Variants in ASPRV1 observed in about 807,000 individuals in gnomAD.
ASPRV1 encodes retroviral-like aspartic protease 1.
Under a neutral mutation model 11.0 loss-of-function variants are expected in ASPRV1, and 7 were observed. The ratio of observed to expected loss-of-function variants is 0.64; its 90% confidence interval spans 0.36 to 1.20. The LOEUF (loss-of-function observed/expected upper bound fraction) is 1.20, where lower values mean the gene tolerates loss of function less well. Among genes scored for constraint, ASPRV1 ranks in the 50% most tolerant of loss-of-function variants. The pLI, the probability that ASPRV1 is intolerant of heterozygous loss-of-function variation, is 0.02. For missense variants in ASPRV1, 299 were observed against 320.0 expected (o/e 0.93, Z 0.50); for synonymous variants, 136 against 138.4 (o/e 0.98, Z 0.12).
At chr2:69,935,529 C>T in the ASPRV1 span, 1 of 1,147,016 alleles carries the variant, frequency 8.7e-7, no homozygotes, top group Non-Finnish European at 1.3e-6. Flanking sequence ...TCTGTTGTTA[C>T]ATCTCCAGGA....
the ASPRV1 span, among the ~76,000 whole-genome samples, chr2:69,984,561 T>C: frequency 0.011 from 1,642 of 148,618 alleles, 103 homozygotes; most frequent in Admixed American, 0.092. Flanking sequence ...ATAGAGACCA[T>C]GTCTATAGAT....
the ASPRV1 span, among the ~76,000 whole-genome samples, chr2:69,945,839 G>A: frequency 6.6e-6 from 1 of 152,230 alleles, no homozygotes; most frequent in Non-Finnish European, 1.5e-5. Context: ...AGGCCCTGGA[G>A]AAAAGGGCAG....
the ASPRV1 span, among the ~76,000 whole-genome samples, chr2:69,945,990 G>C: frequency 2.4e-4 from 35 of 143,434 alleles, no homozygotes; most frequent in African/African-American, 8.6e-4. Context: ...GAGGGCCTTA[G>C]GGATAGGGGA....
the ASPRV1 span, among the ~76,000 whole-genome samples, chr2:70,003,810 T>C: frequency 7.2e-5 from 11 of 152,324 alleles, no homozygotes; most frequent in East Asian, 1.5e-3. Flanking sequence ...GATCAGGCCA[T>C]GGGGCAGAGT....
At chr2:70,010,243 C>A in the ASPRV1 span, among the ~76,000 whole-genome samples, 6 of 152,098 alleles carry the variant, frequency 3.9e-5, no homozygotes, top group East Asian at 1.2e-3. Flanking sequence ...AGTGGAAAAG[C>A]TCTAAGGACG....
chr2:70,062,847 C>G, the ASPRV1 span, among the ~76,000 whole-genome samples: 1 of 152,100 alleles, frequency 6.6e-6, no homozygotes, highest in East Asian at 1.9e-4. Context: ...GGTCCCAAAG[C>G]AGAAAATAGA....
the ASPRV1 span, among the ~76,000 whole-genome samples, chr2:70,077,780 G>A: frequency 0.15 from 22,915 of 151,574 alleles, 2,724 homozygotes; most frequent in East Asian, 0.3. Flanking sequence ...ACTTGAATAC[G>A]GGAGGCAGAG....
chr2:70,076,574 G>C, the ASPRV1 span, among the ~76,000 whole-genome samples: 4 of 152,146 alleles, frequency 2.6e-5, no homozygotes, highest in Admixed American at 2.6e-4. Context: ...CTTGACTTAT[G>C]ATGAGGTTAC....
At chr2:70,017,543 T>TA in the ASPRV1 span, among the ~76,000 whole-genome samples, 1 of 152,174 alleles carries the variant, frequency 6.6e-6, no homozygotes, top group East Asian at 1.9e-4. Flanking sequence ...CCAGAACAAT[T>TA]AGTCAAGAGA....
At chr2:69,958,285 T>C (rs1413398290), downstream of ASPRV1, among the ~76,000 whole-genome samples, 1 of 151,592 alleles carries the variant, frequency 6.6e-6, no homozygotes, top group African/African-American at 2.4e-5. Context: ...GGGGCCATGC[T>C]TCAGATGTCA....
At chr2:69,999,374 T>C in the ASPRV1 span, among the ~76,000 whole-genome samples, 2 of 151,904 alleles carry the variant, frequency 1.3e-5, no homozygotes, top group Admixed American at 1.3e-4. Flanking sequence ...CTGAAACTGA[T>C]ATAAAGACAG....
At chr2:70,034,109 C>T in the ASPRV1 span, among the ~76,000 whole-genome samples, 1 of 129,882 alleles carries the variant, frequency 7.7e-6, no homozygotes, top group East Asian at 2.5e-4. Context: ...GAGCCGAGAT[C>T]GTGCCACTGC....
At chr2:69,967,376 A>C in the ASPRV1 span, among the ~76,000 whole-genome samples, 37 of 152,226 alleles carry the variant, frequency 2.4e-4, no homozygotes, top group African/African-American at 8.4e-4. Context: ...GAGAAAAACA[A>C]ACATGAAAGG....
At chr2:70,004,193 C>T in the ASPRV1 span, among the ~76,000 whole-genome samples, 1 of 152,056 alleles carries the variant, frequency 6.6e-6, no homozygotes, top group Non-Finnish European at 1.5e-5. Flanking sequence ...GATAGAAAAG[C>T]AGAAGAGGAA....
At chr2:69,996,646 A>G in the ASPRV1 span, 1 of 446,406 alleles carries the variant, frequency 2.2e-6, no homozygotes. Context: ...CTAAATGCAA[A>G]TGCTTCTGAG....
the ASPRV1 span, among the ~76,000 whole-genome samples, chr2:70,040,778 G>A: frequency 6.7e-6 from 1 of 149,546 alleles, no homozygotes; most frequent in South Asian, 2.1e-4. Context: ...AGGTTTCAGT[G>A]AGCCGAGATC....
chr2:70,026,870 C>A, the ASPRV1 span, among the ~76,000 whole-genome samples: 2 of 151,952 alleles, frequency 1.3e-5, no homozygotes, highest in Non-Finnish European at 2.9e-5. Flanking sequence ...CCTAGGGAAC[C>A]ACAAAAGACC....
the ASPRV1 span, among the ~76,000 whole-genome samples, chr2:70,061,587 G>C: frequency 2.0e-5 from 3 of 152,196 alleles, no homozygotes; most frequent in East Asian, 1.9e-4. Context: ...GATGAGACTT[G>C]AGAAACATGC....
chr2:70,004,549 AAAG>A, the ASPRV1 span, among the ~76,000 whole-genome samples: 4 of 151,436 alleles, frequency 2.6e-5, no homozygotes, highest in African/African-American at 7.3e-5. Context: ...AAAAAAAAAA[AAAG>A]AAGTGGGGTA....
Sources: allele counts gnomAD v4.1 joint callset (sites outside exome capture counted in the v4.1 genomes callset), GRCh38; gene constraint gnomAD v4.1.1; transcripts MANE v1.5; gene names NCBI Gene and HGNC (gene_info 2026-07-23, HGNC 2026-07-21).